The following DMXL1 variants were observed in gnomAD, a reference collection of about 807,000 sequenced individuals.
The protein encoded by DMXL1 is Dmx like 1, also known as dmX-like protein 1.
A neutral mutation model predicts 319.2 loss-of-function variants in DMXL1; 99 were observed. The ratio of observed to expected loss-of-function variants is 0.31; its 90% CI spans 0.26 to 0.37. DMXL1 has a LOEUF of 0.37. DMXL1 is among the 10% of genes least tolerant of loss of function. DMXL1 has a pLI of 1.00. For synonymous variants in DMXL1, 1,385 were observed against 1,235.2 expected (o/e 1.12, Z -2.54); for missense variants, 3,745 against 3,595.6 (o/e 1.04, Z -1.06).
In DMXL1 at chr5:119,150,181, C is replaced by G. The variant is rs1183899663; in HGVS notation, c.4354C>G (p.Leu1452Val). 2 of 1,613,652 alleles carry G rather than the reference C, an allele frequency of 1.2e-6. No homozygotes were observed. The highest frequency in any genetic ancestry group is 1.7e-6 in the Non-Finnish European group (2 of 1,179,854). The change falls in exon 18 of 44, where the codon CTA (leucine) becomes GTA (valine). Residue 1452 changes from leucine to valine, a missense_variant. By Grantham distance (32) the Leu-to-Val change is conservative. Around this residue, in one of 4 missense-constraint regions of DMXL1, gnomAD observed 2,096 missense variants for 1,985.4 expected, o/e 1.06. Coordinates refer to ENST00000539542, the MANE Select transcript of DMXL1 (RefSeq NM_001290321.3). ...SYDELFQTQLLMTDTHMLETD... is the reference protein window; with the variant it reads ...SYDELFQTQLVMTDTHMLETD... ...TGATGAGCTTTTTCAGACTCAACTTCTAATGACTGATACTCATATGTTAGA... is the reference window on the plus strand; with the variant it reads ...TGATGAGCTTTTTCAGACTCAACTTGTAATGACTGATACTCATATGTTAGA...
chr5:119,098,740 G>T (rs2149785325), intron 2 of DMXL1, among the ~76,000 whole-genome samples: 1 of 152,268 alleles, frequency 6.6e-6, no homozygotes, highest in East Asian at 1.9e-4. Context: ...ATACTACTAG[G>T]CAAGGCAGCA....
rs1421429812 is a variant in DMXL1, at chr5:119,197,899, C to A, written c.7688C>A (p.Ala2563Glu). ...ASHTAEESLS[A>E]GPAILRHKAL... ...CATACCGCCGAAGAGAGTTTGTCTG[C>A]AGGTCCTGCAATTCTTCGCCACAAA... The change falls in exon 32 of 44, where the codon GCA becomes GAA. Residue 2563 changes from alanine (A) to glutamate (E), a missense_variant. Physicochemically the swap from Ala to Glu is moderately radical, Grantham distance 107. This residue lies in a region of DMXL1 where 1,382 missense variants were observed against 1,269.5 expected (regional missense o/e 1.09). Coordinates refer to ENST00000539542, the MANE Select transcript of DMXL1 (RefSeq NM_001290321.3). 6.2e-7 allele frequency: 1 copy of A among 1,614,232 alleles called. No individual in the cohort carries two copies. The highest frequency in any genetic ancestry group is 8.5e-7 in the Non-Finnish European group (1 of 1,180,034).
chr5:119,076,830 A>G (rs1750986905), intron 1 of DMXL1, among the ~76,000 whole-genome samples: 1 of 152,176 alleles, frequency 6.6e-6, no homozygotes, highest in Admixed American at 6.5e-5. Flanking sequence ...TTAAAGTTGA[A>G]AGTTATATTT....
At chr5:119,167,950 T>TA in intron 23 of DMXL1, 86 bp downstream of exon 23, 1 of 1,282,606 alleles carries the variant, frequency 7.8e-7, no homozygotes, top group Non-Finnish European at 1.0e-6. Context: ...GTGGTAAGGG[T>TA]AATACAAACA....
intron 10 of DMXL1, among the ~76,000 whole-genome samples, chr5:119,132,248 ATT>A (rs1407234402): frequency 6.6e-6 from 1 of 152,210 alleles, no homozygotes; most frequent in East Asian, 1.9e-4. Flanking sequence ...TAGGCTCTTT[ATT>A]ATTATAAGGT....
chr5:119,121,543 A>G (rs1310538307), intron 9 of DMXL1, among the ~76,000 whole-genome samples: 2 of 152,020 alleles, frequency 1.3e-5, no homozygotes, highest in Non-Finnish European at 2.9e-5. Flanking sequence ...ACCGCCCTTA[A>G]TCCATTTAAC....
intron 37 of DMXL1, among the ~76,000 whole-genome samples, chr5:119,224,212 A>G (rs1385941816): frequency 6.6e-6 from 1 of 152,112 alleles, no homozygotes; most frequent in Non-Finnish European, 1.5e-5. Context: ...ATGATGCTAT[A>G]TAAATTGGAA....
intron 7 of DMXL1, among the ~76,000 whole-genome samples, chr5:119,118,030 T>C (rs1262980475): frequency 2.6e-5 from 4 of 152,366 alleles, no homozygotes; most frequent in African/African-American, 9.6e-5. Flanking sequence ...TGATGGAAGG[T>C]AGTCCTTGCT....
intron 39 of DMXL1, chr5:119,236,637 T>C (rs1418256793): frequency 6.6e-6 from 1 of 151,956 alleles, no homozygotes; most frequent in Admixed American, 6.6e-5. Flanking sequence ...TAGAAACAAA[T>C]CTGAAAGGAA....
chr5:119,223,303 C>T (rs2150598307), intron 37 of DMXL1, among the ~76,000 whole-genome samples: 1 of 152,218 alleles, frequency 6.6e-6, no homozygotes, highest in East Asian at 1.9e-4. Context: ...GTGATGCACC[C>T]AGCTTGGCCT....
At chr5:119,126,216 G>C (rs779761380) in intron 9 of DMXL1, among the ~76,000 whole-genome samples, 1 of 152,180 alleles carries the variant, frequency 6.6e-6, no homozygotes, top group Non-Finnish European at 1.5e-5. Context: ...CTGGGAGGCG[G>C]AGGTTGTAGT....
At position 119,237,191 on chromosome 5, in the gene DMXL1, G is replaced by A. The variant is rs936025509; in HGVS notation, c.8467-131G>A. 1.8e-5 allele frequency: 9 copies of A among 494,082 alleles called. No homozygotes were observed. The Admixed American group carries it at 2.7e-4, about 15-fold the overall frequency. The allele number at this position is 494,082 out of a possible 1,614,324, so 30.6% of individuals were successfully genotyped here. On this transcript the variant is annotated intron_variant, in intron 39 of 43. Coordinates refer to ENST00000539542, the MANE Select transcript of DMXL1 (RefSeq NM_001290321.3). ...TTTTCTGAAATAGATCCATGTATAGGTGAAGTGAAAAATCACATGACATAC... is the reference window on the plus strand; with the variant it reads ...TTTTCTGAAATAGATCCATGTATAGATGAAGTGAAAAATCACATGACATAC...
intron 42 of DMXL1, among the ~76,000 whole-genome samples, chr5:119,240,963 C>T (rs999793750): frequency 6.6e-6 from 1 of 152,118 alleles, no homozygotes; most frequent in East Asian, 1.9e-4. Context: ...GATACAAGGT[C>T]AATATACAGT....
chr5:119,213,051 A>G (rs1783079097), intron 34 of DMXL1, among the ~76,000 whole-genome samples: 1 of 152,190 alleles, frequency 6.6e-6, no homozygotes, highest in Non-Finnish European at 1.5e-5. Flanking sequence ...CAAACCCTGG[A>G]GCTTGCCTCA....
chr5:119,125,536 T>TTG (rs1384628951), intron 9 of DMXL1, among the ~76,000 whole-genome samples: 6 of 152,046 alleles, frequency 3.9e-5, no homozygotes, highest in Admixed American at 3.9e-4. Flanking sequence ...AATGTGGATT[T>TTG]TGTGTGTGTA....
chr5:119,073,144 C>T (rs1175645900), intron 1 of DMXL1, among the ~76,000 whole-genome samples: 2 of 152,184 alleles, frequency 1.3e-5, no homozygotes, highest in African/African-American at 2.4e-5. Context: ...CTCACTGCAG[C>T]CTCGACCTCC....
At chr5:119,097,028 G>A (rs540367470) in intron 1 of DMXL1, among the ~76,000 whole-genome samples, 2 of 152,324 alleles carry the variant, frequency 1.3e-5, no homozygotes, top group East Asian at 3.9e-4. Flanking sequence ...GAAAGTAATG[G>A]GAGAGATAGT....
intron 26 of DMXL1, among the ~76,000 whole-genome samples, chr5:119,176,237 A>G (rs1258733468): frequency 3.9e-5 from 6 of 152,032 alleles, no homozygotes; most frequent in Non-Finnish European, 7.4e-5. Context: ...TATTTTGAGT[A>G]TGGAGTACTT....
chr5:119,078,333 A>C (rs1247347707), intron 1 of DMXL1, among the ~76,000 whole-genome samples: 1 of 151,996 alleles, frequency 6.6e-6, no homozygotes, highest in Non-Finnish European at 1.5e-5. Context: ...GAACATTGAA[A>C]CTGGAGATTT....
Sources: allele counts gnomAD v4.1 joint callset (sites outside exome capture counted in the v4.1 genomes callset), GRCh38; gene constraint gnomAD v4.1.1; regional missense constraint gnomAD v4.1.1; transcripts MANE v1.5; gene names NCBI Gene and HGNC (gene_info 2026-07-23, HGNC 2026-07-21).